CFAP46: variants seen among roughly 807,000 people sequenced by gnomAD.
The protein encoded by CFAP46 is cilia- and flagella-associated protein 46.
In CFAP46, 245 loss-of-function variants were observed where a neutral mutation model predicts 325.7. The ratio of observed to expected loss-of-function variants is 0.75; its 90% CI spans 0.68 to 0.84. CFAP46 has a LOEUF of 0.84. CFAP46 is among the 40% of genes least tolerant of loss of function. The pLI is 0.00. For missense variants in CFAP46, 3,346 were observed against 3,543.0 expected (o/e 0.94, Z 1.41); for synonymous variants, 1,523 against 1,495.9 (o/e 1.02, Z -0.42).
intron 49 of CFAP46, 88 bp downstream of exon 49, chr10:132,833,953 C>G (rs1564771302): frequency 1.6e-6 from 2 of 1,259,768 alleles, no homozygotes; most frequent in Non-Finnish European, 1.1e-6. Context: ...CCCCCCCTGG[C>G]GTTCCCGGAT....
rs184060158 is a variant in CFAP46 at position 132,847,924 on chromosome 10, A to G, written c.5953-603T>C. Among the ~76,000 whole-genome samples the G allele has an allele frequency of 8.9e-4, 136 of 152,340 alleles. No homozygotes were observed. The highest frequency in any genetic ancestry group is 3.2e-3 in the African/African-American group (134 of 41,586). Reference sequence around the variant, plus strand: ...GGAGTGATGGACATGTCCCCGTTCTAGTAGGCTGCCTGAATGCAGGCAAAA... The same window carrying G: ...GGAGTGATGGACATGTCCCCGTTCTGGTAGGCTGCCTGAATGCAGGCAAAA... On this transcript the variant is annotated intron_variant, in intron 41 of 57. Transcript: ENST00000368586. The surrounding 1 kb of genome is among the most constrained non-coding windows in gnomAD (Gnocchi z 5.2).
intron 8 of CFAP46, among the ~76,000 whole-genome samples, chr10:132,933,650 G>C (rs1292061545): frequency 6.6e-6 from 1 of 152,230 alleles, no homozygotes. Flanking sequence ...CTGCGGTCCT[G>C]GGGCCCCTCC....
rs1327944851 is a variant in CFAP46 at position 132,916,686 on chromosome 10, C to T, written c.1987-4G>A. 6.8e-7 allele frequency: 1 copy of T among 1,462,282 alleles called. No homozygotes were observed. The highest frequency in any genetic ancestry group is 1.4e-5 in the African/African-American group (1 of 69,386). 90.6% of individuals were successfully genotyped at this position (1,462,282 alleles called of 1,614,324 possible). A position where few individuals can be genotyped will look rare whatever the true frequency, so the allele number is the denominator to read the frequency against. Reference sequence around the variant, plus strand: ...ACCGCAGCAAATGAACCGTGGCCTGCAAAACACACATGCGGTGGGAGGGGT... The same window carrying T: ...ACCGCAGCAAATGAACCGTGGCCTGTAAAACACACATGCGGTGGGAGGGGT... On this transcript the variant is annotated splice_polypyrimidine_tract_variant and splice_region_variant and intron_variant, in intron 16 of 57. Transcript: ENST00000368586.
intron 10 of CFAP46, among the ~76,000 whole-genome samples, chr10:132,925,701 G>A (rs1193063863): frequency 1.3e-5 from 2 of 152,270 alleles, no homozygotes; most frequent in African/African-American, 2.4e-5. Context: ...GCCCCACGGA[G>A]GCAGACCCAG....
intron 34 of CFAP46, 108 bp from the exon 35 acceptor site, chr10:132,866,279 A>G: frequency 8.4e-7 from 1 of 1,193,728 alleles, no homozygotes; most frequent in South Asian, 2.2e-5. Context: ...AGGGAGCCAC[A>G]CCACACCAAG....
At chr10:132,872,439 TG>T (rs1591065398) in intron 32 of CFAP46, 2 of 490,712 alleles carry the variant, frequency 4.1e-6, no homozygotes, top group Non-Finnish European at 7.4e-6. Flanking sequence ...TTAAATTTTT[TG>T]TAGAGATGGG....
intron 24 of CFAP46, among the ~76,000 whole-genome samples, chr10:132,896,371 C>T (rs1016724094): frequency 5.3e-5 from 8 of 152,260 alleles, no homozygotes; most frequent in African/African-American, 1.2e-4. Flanking sequence ...AACCCAGCCA[C>T]GCTGGCTCCC....
At chr10:132,915,408 G>A (rs989064329) in intron 17 of CFAP46, among the ~76,000 whole-genome samples, 1 of 152,280 alleles carries the variant, frequency 6.6e-6, no homozygotes, top group African/African-American at 2.4e-5. Flanking sequence ...AAGAGGCCAA[G>A]ACAAAGGCCA....
At position 132,916,605 on chromosome 10, in the gene CFAP46, G is replaced by A. The variant is rs934455216; in HGVS notation, c.2064C>T (p.His688=). Reference sequence around the variant, plus strand: ...GGGGCTCAGGCACGTAGCCAGCTGGGTGCTGGCTCAGGTCTTCGGGGGGGA... The same window carrying A: ...GGGGCTCAGGCACGTAGCCAGCTGGATGCTGGCTCAGGTCTTCGGGGGGGA... The part of the protein sequence containing the change: ...RAIPPEDLSQ[H]PAGYVPEPPE... Residue 688 remains histidine (H), a synonymous_variant, in exon 17 of 58, where the codon CAC becomes CAT. Transcript: ENST00000368586. The A allele has an allele frequency of 6.5e-7, 1 of 1,546,268 alleles. No individual in the cohort carries two copies. The highest frequency in any genetic ancestry group is 2.0e-5 in the Admixed American group (1 of 50,570).
chr10:132,812,780 CTCACCTTGCAAGTTCATGGCG>C lies in CFAP46; in HGVS notation c.7485_7501+4del. On this transcript the variant is annotated splice_donor_variant and splice_donor_region_variant and coding_sequence_variant and intron_variant, in exon 55 of 58. Transcript: ENST00000368586. LOFTEE classifies it high-confidence loss of function. ...GGGAGGGGGTGCTGAGAGGACACCT[CTCACCTTGCAAGTTCATGGCG>C]ACCAATCTCTCCACTAATATATGGG... The C allele has an allele frequency of 3.1e-6, 5 of 1,608,084 alleles. No individual in the cohort carries two copies. The highest frequency in any genetic ancestry group is 4.3e-6 in the Non-Finnish European group (5 of 1,176,328).
At chr10:132,829,083 C>CAA (rs58493058) in intron 50 of CFAP46, among the ~76,000 whole-genome samples, 100 of 118,492 alleles carry the variant, frequency 8.4e-4, no homozygotes, top group East Asian at 1.1e-3. Flanking sequence ...TTAACTTCTA[C>CAA]AAAAAAAAAA....
At chr10:132,891,603 G>A (rs999331024) in intron 25 of CFAP46, among the ~76,000 whole-genome samples, 2 of 152,234 alleles carry the variant, frequency 1.3e-5, no homozygotes, top group South Asian at 2.1e-4. Context: ...TCCACATGCT[G>A]TGGAGAATGC....
intron 27 of CFAP46, among the ~76,000 whole-genome samples, chr10:132,882,437 G>A (rs138353561): frequency 0.01 from 1,565 of 151,964 alleles, 24 homozygotes; most frequent in African/African-American, 0.035. Context: ...GTGTGGGTTT[G>A]TTGTGGATGT....
chr10:132,932,070 A>G (rs1454326640), intron 8 of CFAP46, among the ~76,000 whole-genome samples: 1 of 142,998 alleles, frequency 7.0e-6, no homozygotes, highest in Non-Finnish European at 1.5e-5. Flanking sequence ...CTCCCCACAC[A>G]GAGCCTGGAC....
chr10:132,923,721 C>T (rs1035680230), intron 11 of CFAP46, among the ~76,000 whole-genome samples: 2 of 152,126 alleles, frequency 1.3e-5, no homozygotes, highest in Non-Finnish European at 1.5e-5. Context: ...TGTGGGAAGT[C>T]GAAGGAAGGC....
chr10:132,816,984 G>T (rs1224628385), intron 50 of CFAP46, among the ~76,000 whole-genome samples: 1 of 152,130 alleles, frequency 6.6e-6, no homozygotes, highest in Non-Finnish European at 1.5e-5. Flanking sequence ...ATTGCAAATC[G>T]CCACTTTTGA....
Position 132,810,332 on chromosome 10 carries a change from G to A in CFAP46, c.7664+77C>T, listed in dbSNP as rs541039035. The A allele has an allele frequency of 2.9e-4, 354 of 1,202,728 alleles. 2 individuals carry two copies. In the Admixed American group the frequency reaches 5.9e-3, roughly 20 times the overall value. The allele number at this position is 1,202,728 out of a possible 1,614,324, so 74.5% of individuals were successfully genotyped here. Reference sequence around the variant, plus strand: ...CGGAGACACCTGTCCCTGCAGGGCTGTGCAGTGCACGTGCCCCATGGGCAG... The same window carrying A: ...CGGAGACACCTGTCCCTGCAGGGCTATGCAGTGCACGTGCCCCATGGGCAG... On this transcript the variant is annotated intron_variant, in intron 57 of 57. Transcript: ENST00000368586.
intron 45 of CFAP46, 65 bp from the exon 46 acceptor site, chr10:132,836,283 C>T (rs997098278): frequency 8.4e-5 from 126 of 1,499,090 alleles, no homozygotes; most frequent in Non-Finnish European, 1.1e-4. Flanking sequence ...CACAGCCCAG[C>T]TCCAGCGACC....
At chr10:132,904,243 T>A (rs1486433943) in intron 22 of CFAP46, among the ~76,000 whole-genome samples, 1 of 152,264 alleles carries the variant, frequency 6.6e-6, no homozygotes, top group African/African-American at 2.4e-5. Flanking sequence ...CCTGTGGCTC[T>A]GACAGTGACC....
Sources: gnomAD v4.1 joint callset for allele counts (sites outside exome capture counted in the v4.1 genomes callset) on GRCh38, gnomAD v4.1.1 for gene constraint, Gnocchi (gnomAD v3.1) non-coding constraint, MANE v1.5 for transcripts, NCBI Gene and HGNC (gene_info 2026-07-23, HGNC 2026-07-21) for gene names.